Variants in PCSK6 observed in about 807,000 individuals in gnomAD.
PCSK6 encodes proprotein convertase subtilisin/kexin type 6, also known as paired basic amino acid cleaving enzyme 4.
In PCSK6, 85 loss-of-function variants were observed where a neutral mutation model predicts 123.3. That is an observed-to-expected ratio of 0.69 (90% CI 0.58 to 0.83). The LOEUF is 0.83. Among genes scored for constraint, PCSK6 ranks in the 40% least tolerant of loss-of-function variants. The probability of loss-of-function intolerance (pLI) is 0.00; values close to 1 mark genes in which losing one functional copy is unlikely to be tolerated. For synonymous variants in PCSK6, 508 were observed against 516.0 expected, an observed-to-expected ratio of 0.98 and a Z score of 0.21; for missense variants, 1,191 against 1,282.3, an observed-to-expected ratio of 0.93 and a Z score of 1.09.
At chr15:101,399,348 G>A (rs1380072532) in intron 6 of PCSK6, among the ~76,000 whole-genome samples, 1 of 152,212 alleles carries the variant, frequency 6.6e-6, no homozygotes, top group Non-Finnish European at 1.5e-5. Flanking sequence ...CTGGAAGACA[G>A]AAGCCCGCAC....
At chr15:101,465,540 G>A (rs954007214) in intron 1 of PCSK6, among the ~76,000 whole-genome samples, 4 of 152,180 alleles carry the variant, frequency 2.6e-5, no homozygotes, top group Admixed American at 6.5e-5. Context: ...GCTATTAGAA[G>A]AGGACAGAGG....
intron 6 of PCSK6, among the ~76,000 whole-genome samples, chr15:101,424,635 G>A (rs971597659): frequency 4.6e-5 from 7 of 152,164 alleles, no homozygotes; most frequent in Non-Finnish European, 2.9e-5. Flanking sequence ...GCAGGTAAAT[G>A]TATTTCTTGT....
chr15:101,433,799 C>T lies in PCSK6; in HGVS notation c.403-1699G>A, dbSNP rs977431219. On this transcript the variant is annotated intron_variant, in intron 2 of 21. Transcript: ENST00000611716. ...CCCACATCACCCTGAGCAAGGAGAG[C>T]GGAGCACCTGCATACACAGCTCAAA... Among the ~76,000 whole-genome samples the T allele has an allele frequency of 2.0e-5, 3 of 152,234 alleles. No homozygotes were observed. In the East Asian group the frequency reaches 5.8e-4, roughly 29 times the overall value.
intron 6 of PCSK6, among the ~76,000 whole-genome samples, chr15:101,403,259 TG>T (rs1423748310): frequency 9.6e-6 from 1 of 103,770 alleles, no homozygotes; most frequent in Admixed American, 1.4e-4. Flanking sequence ...CATCACACTC[TG>T]GGGACTGTTG....
intron 18 of PCSK6, among the ~76,000 whole-genome samples, chr15:101,321,405 G>T (rs1001502021): frequency 6.6e-6 from 1 of 152,190 alleles, no homozygotes; most frequent in Non-Finnish European, 1.5e-5. Context: ...GAAAGAGGCA[G>T]GCTGAAGGAA....
chr15:101,434,233 G>C (rs149903119), intron 2 of PCSK6, among the ~76,000 whole-genome samples: 172 of 152,272 alleles, frequency 1.1e-3, no homozygotes, highest in African/African-American at 3.4e-3. Context: ...TGTAGATCCC[G>C]CACAGCCCAA....
chr15:101,325,739 C>G (rs10431865), intron 16 of PCSK6, among the ~76,000 whole-genome samples: 116,885 of 152,204 alleles, frequency 0.77, 45,049 homozygotes, highest in African/African-American at 0.82. Context: ...GGAGCTGGAG[C>G]AGCTCCGTGG....
rs1030191551 is a variant in PCSK6 at position 101,443,458 on chromosome 15, T to C, written c.402+98A>G. On this transcript the variant is annotated intron_variant, in intron 2 of 21. Coordinates refer to ENST00000611716, the MANE Select transcript of PCSK6 (RefSeq NM_002570.5). ...ATTTAAAGTGAATATGGAAAACTCA[T>C]GTCTATCCAGAATCACATTAAAATC... The C allele has an allele frequency of 6.2e-6, 5 of 802,498 alleles. No individual in the cohort carries two copies. The Admixed American group carries it at 6.5e-5, about 11-fold the overall frequency. 49.7% of individuals were successfully genotyped at this position (802,498 alleles called of 1,614,324 possible). A position where few individuals can be genotyped will look rare whatever the true frequency, so the allele number is the denominator to read the frequency against.
chr15:101,405,804 C>T (rs190565366), intron 6 of PCSK6, among the ~76,000 whole-genome samples: 67 of 151,982 alleles, frequency 4.4e-4, no homozygotes, highest in African/African-American at 9.4e-4. Flanking sequence ...AGTGCAGTGG[C>T]GTGATCTCAG....
chr15:101,401,255 A>T (rs889097472), intron 6 of PCSK6, among the ~76,000 whole-genome samples: 1 of 152,250 alleles, frequency 6.6e-6, no homozygotes, highest in Non-Finnish European at 1.5e-5. Context: ...GCAGCGATGG[A>T]GGATGGGGCT....
chr15:101,374,313 T>C (rs1270973081), intron 11 of PCSK6, among the ~76,000 whole-genome samples: 1 of 151,842 alleles, frequency 6.6e-6, no homozygotes, highest in Non-Finnish European at 1.5e-5. Context: ...CATAATACTA[T>C]CTAATAGCAA....
chr15:101,375,811 A>G (rs77025104), intron 11 of PCSK6, among the ~76,000 whole-genome samples: 10,028 of 152,066 alleles, frequency 0.066, 834 homozygotes, highest in East Asian at 0.2. Flanking sequence ...GAGGTGGGTG[A>G]ATCACTTGAG....
rs149687203 is a variant in PCSK6, at chr15:101,478,317, G to A, written c.297+11057C>T. 2.3e-4 allele frequency among the ~76,000 whole-genome samples: 35 copies of A among 152,262 alleles called. No homozygotes were observed. In the East Asian group the frequency reaches 5.2e-3, roughly 23 times the overall value. ...CAAGACTGACATAGGAGTGGCTGGCGGCAGTCATGGTGGGGTACTGGAATC... is the reference window on the plus strand; with the variant it reads ...CAAGACTGACATAGGAGTGGCTGGCAGCAGTCATGGTGGGGTACTGGAATC... On this transcript the variant is annotated intron_variant, in intron 1 of 21. Transcript: ENST00000611716.
chr15:101,390,502 GAAGGCAGC>G (rs2042202324), intron 8 of PCSK6, among the ~76,000 whole-genome samples: 1 of 152,224 alleles, frequency 6.6e-6, no homozygotes, highest in South Asian at 2.1e-4. Flanking sequence ...CTTGGAAGAG[GAAGGCAGC>G]AAGGCTGTTT....
At chr15:101,437,606 G>A (rs2056638297) in intron 2 of PCSK6, among the ~76,000 whole-genome samples, 1 of 152,284 alleles carries the variant, frequency 6.6e-6, no homozygotes, top group East Asian at 1.9e-4. Context: ...TAAACTACAG[G>A]TGCCAGAAGA....
At chr15:101,403,335 T>TG (rs2042661183) in intron 6 of PCSK6, among the ~76,000 whole-genome samples, 2 of 149,576 alleles carry the variant, frequency 1.3e-5, no homozygotes, top group South Asian at 4.3e-4. Context: ...GACCAGTTAA[T>TG]GGGTGCAGCA....
At chr15:101,478,986 A>G (rs974270107) in intron 1 of PCSK6, among the ~76,000 whole-genome samples, 3 of 152,222 alleles carry the variant, frequency 2.0e-5, no homozygotes, top group African/African-American at 7.2e-5. Context: ...CTGATATAAA[A>G]AATTCTAACA....
intron 20 of PCSK6, among the ~76,000 whole-genome samples, chr15:101,310,371 G>A (rs369200978): frequency 3.3e-5 from 5 of 152,262 alleles, no homozygotes; most frequent in African/African-American, 9.6e-5. Flanking sequence ...AGAGGTTTGC[G>A]GTGGGGCTGC....
intron 10 of PCSK6, among the ~76,000 whole-genome samples, chr15:101,383,409 C>CAAAAA (rs35670221): frequency 3.0e-4 from 23 of 76,428 alleles, no homozygotes; most frequent in African/African-American, 6.0e-4. Context: ...GACTCTGTCT[C>CAAAAA]AAAAAAAAAA....
Sources: allele counts gnomAD v4.1 joint callset (sites outside exome capture counted in the v4.1 genomes callset), GRCh38; gene constraint gnomAD v4.1.1; transcripts MANE v1.5; gene names NCBI Gene and HGNC (gene_info 2026-07-23, HGNC 2026-07-21).